Variants in SLC4A4 observed in about 807,000 individuals in gnomAD.
The protein encoded by SLC4A4 is solute carrier family 4 member 4.
In SLC4A4, 27 loss-of-function variants were observed where a neutral mutation model predicts 111.5. The observed-to-expected ratio is 0.24, with a 90% confidence interval of 0.18 to 0.33. The LOEUF is 0.33. Among genes scored for constraint, SLC4A4 ranks in the 10% least tolerant of loss-of-function variants. SLC4A4 has a pLI of 1.00. For synonymous variants in SLC4A4, 443 were observed against 463.4 expected, an observed-to-expected ratio of 0.96 and a Z score of 0.57; for missense variants, 909 against 1,315.5, an observed-to-expected ratio of 0.69 and a Z score of 4.78.
chr4:71,567,141 T>A, intron 25 of SLC4A4, 58 bp downstream of exon 25: 1 of 1,305,914 alleles, frequency 7.7e-7, no homozygotes, highest in Non-Finnish European at 1.1e-6. Context: ...CACAGAAATG[T>A]AGTTAATGGT....
At chr4:71,492,511 T>A (rs1339114215) in intron 15 of SLC4A4, among the ~76,000 whole-genome samples, 1 of 151,902 alleles carries the variant, frequency 6.6e-6, no homozygotes, top group Non-Finnish European at 1.5e-5. Context: ...TTAAATCTTT[T>A]CCCCCAGTAC....
At chr4:71,188,909 C>G (rs1024623014) in intron 1 of SLC4A4, among the ~76,000 whole-genome samples, 1 of 152,150 alleles carries the variant, frequency 6.6e-6, no homozygotes, top group East Asian at 1.9e-4. Context: ...CTTTTACTTT[C>G]ATTTTAAAGT....
chr4:71,337,127 C>T (rs766246521), intron 3 of SLC4A4, among the ~76,000 whole-genome samples: 2 of 152,112 alleles, frequency 1.3e-5, no homozygotes, highest in Non-Finnish European at 2.9e-5. Flanking sequence ...ATGTTAGTTA[C>T]GTAGTGATTT....
At chr4:71,141,143 C>A (rs966872414) in intron 2 of SLC4A4, among the ~76,000 whole-genome samples, 1 of 152,042 alleles carries the variant, frequency 6.6e-6, no homozygotes, top group Non-Finnish European at 1.5e-5. Context: ...GATTTTGTAC[C>A]CTTTGATTCT....
chr4:71,351,682 C>T (rs548940164), intron 5 of SLC4A4, among the ~76,000 whole-genome samples: 5 of 152,104 alleles, frequency 3.3e-5, no homozygotes, highest in South Asian at 2.1e-4. Flanking sequence ...TGGTGAAACC[C>T]CACTCCTGCC....
At chr4:71,541,073 C>T (rs939521238) in intron 18 of SLC4A4, among the ~76,000 whole-genome samples, 1 of 152,118 alleles carries the variant, frequency 6.6e-6, no homozygotes, top group Admixed American at 6.5e-5. Context: ...CATTTACACC[C>T]TCCAGCTGTG....
chr4:71,396,604 T>C (rs942971947), intron 6 of SLC4A4, among the ~76,000 whole-genome samples: 3 of 152,146 alleles, frequency 2.0e-5, no homozygotes, highest in Non-Finnish European at 2.9e-5. Flanking sequence ...CCTGCAGCAG[T>C]TGGGTCAAAC....
At chr4:71,400,234 G>T (rs1443517785) in intron 7 of SLC4A4, among the ~76,000 whole-genome samples, 1 of 152,162 alleles carries the variant, frequency 6.6e-6, no homozygotes, top group Non-Finnish European at 1.5e-5. Flanking sequence ...AACTTATTGG[G>T]TCTTTTCATA....
At chr4:71,184,048 T>C (rs1176139688), upstream of SLC4A4, among the ~76,000 whole-genome samples, 2 of 152,200 alleles carry the variant, frequency 1.3e-5, no homozygotes, top group Admixed American at 6.5e-5. Flanking sequence ...TGCTCTTTGT[T>C]GAACACAGTG....
intron 6 of SLC4A4, 40 bp from the exon 7 acceptor site, chr4:71,397,537 A>G (rs558427717): frequency 5.8e-6 from 9 of 1,544,828 alleles, no homozygotes; most frequent in Admixed American, 5.0e-5. Flanking sequence ...TGTGTTATTG[A>G]AAAGAAGTCT....
At chr4:71,184,422 C>T (rs1745390613), upstream of SLC4A4, among the ~76,000 whole-genome samples, 1 of 152,094 alleles carries the variant, frequency 6.6e-6, no homozygotes, top group South Asian at 2.1e-4. Context: ...AAGGTCCTTC[C>T]TCCTTTCTGT....
At chr4:71,530,426 T>C (rs1733816867) in intron 16 of SLC4A4, among the ~76,000 whole-genome samples, 1 of 152,112 alleles carries the variant, frequency 6.6e-6, no homozygotes, top group African/African-American at 2.4e-5. Context: ...TATTTACAAA[T>C]AGGAAATAAT....
At chr4:71,526,039 A>G (rs1361811200) in intron 16 of SLC4A4, among the ~76,000 whole-genome samples, 1 of 152,008 alleles carries the variant, frequency 6.6e-6, no homozygotes, top group Non-Finnish European at 1.5e-5. Context: ...ACTCATTGCT[A>G]GACATTTTTA....
intron 2 of SLC4A4, among the ~76,000 whole-genome samples, chr4:71,149,579 G>A (rs568717912): frequency 6.6e-6 from 1 of 152,250 alleles, no homozygotes; most frequent in Admixed American, 6.5e-5. Context: ...TAGGTAAGGA[G>A]GCACTTTCTA....
chr4:71,297,378 C>G (rs1041323423), intron 3 of SLC4A4, among the ~76,000 whole-genome samples: 1 of 152,114 alleles, frequency 6.6e-6, no homozygotes, highest in African/African-American at 2.4e-5. Flanking sequence ...TACATCTTCT[C>G]TGCAAAGTCA....
chr4:71,151,186 C>T (rs184209105), intron 2 of SLC4A4, among the ~76,000 whole-genome samples: 186 of 152,360 alleles, frequency 1.2e-3, no homozygotes, highest in Non-Finnish European at 2.1e-3. Flanking sequence ...TTCTGTGCCA[C>T]AGCACTGGTA....
At chr4:71,165,922 G>C (rs539278190) in intron 2 of SLC4A4, among the ~76,000 whole-genome samples, 1 of 152,150 alleles carries the variant, frequency 6.6e-6, no homozygotes, top group African/African-American at 2.4e-5. Context: ...CTGTTTTTTA[G>C]GAGCTTCCAG....
chr4:71,116,776 T>G (rs1743279127), intron 2 of SLC4A4, among the ~76,000 whole-genome samples: 1 of 152,094 alleles, frequency 6.6e-6, no homozygotes, highest in South Asian at 2.1e-4. Context: ...AAATCCTGTC[T>G]CTACAAAAAA....
At chr4:71,499,074 A>ATT (rs35812881) in intron 16 of SLC4A4, among the ~76,000 whole-genome samples, 25 of 150,344 alleles carry the variant, frequency 1.7e-4, no homozygotes, top group Non-Finnish European at 2.8e-4. Flanking sequence ...TTTGAGGACA[A>ATT]TTTTTTTTTT....
Sources: gnomAD v4.1 joint callset for allele counts (sites outside exome capture counted in the v4.1 genomes callset) on GRCh38, gnomAD v4.1.1 for gene constraint, MANE v1.5 for transcripts, NCBI Gene and HGNC (gene_info 2026-07-23, HGNC 2026-07-21) for gene names.